ACSM5: variants seen among roughly 807,000 people sequenced by gnomAD.
ACSM5 encodes the protein acyl-CoA synthetase medium chain family member 5.
A neutral mutation model predicts 71.6 loss-of-function variants in ACSM5; 56 were observed. That is an observed-to-expected ratio of 0.78 (90% CI 0.63 to 0.98). The LOEUF is 0.98. Among genes scored for constraint, ACSM5 ranks in the 50% least tolerant of loss-of-function variants. The pLI is 0.00. For missense variants in ACSM5, 723 were observed against 726.0 expected (o/e 1.00, Z 0.05); for synonymous variants, 285 against 281.5 (o/e 1.01, Z -0.12).
chr16:20,411,350 C>G, intron 1 of ACSM5, 120 bp from the exon 2 acceptor site: 1 of 767,446 alleles, frequency 1.3e-6, no homozygotes, highest in Non-Finnish European at 2.1e-6. Context: ...AGAGTTTATT[C>G]TACAAGTCAG....
At chr16:20,427,556 A>G (rs1021452522) in intron 6 of ACSM5, among the ~76,000 whole-genome samples, 1 of 152,254 alleles carries the variant, frequency 6.6e-6, no homozygotes, top group Admixed American at 6.5e-5. Flanking sequence ...TCACCTTGGC[A>G]GTATGCCATT....
chr16:20,439,668 C>G lies in ACSM5; in HGVS notation c.1537-132C>G, dbSNP rs980883553. On this transcript the variant is annotated intron_variant, in intron 12 of 13. Coordinates refer to ENST00000331849, the MANE Select transcript of ACSM5 (RefSeq NM_017888.3). ...AAATTGATGTTGTTTGTGTCATTGG[C>G]TGTGCCCAAAAAAAACTAGTAGAAC... 3.3e-5 allele frequency: 37 copies of G among 1,114,574 alleles called. No individual in the cohort carries two copies. The African/African-American group carries it at 5.4e-4, about 16-fold the overall frequency. 69.0% of individuals were successfully genotyped at this position (1,114,574 alleles called of 1,614,324 possible).
At chr16:20,415,527 A>G (rs113945925) in intron 2 of ACSM5, among the ~76,000 whole-genome samples, 6,735 of 152,298 alleles carry the variant, frequency 0.044, 156 homozygotes, top group South Asian at 0.059. Context: ...CAGCAGAAAT[A>G]CTGCCATCTT....
rs112760108 is a variant in ACSM5, at chr16:20,419,352, T to C, written c.540T>C (p.Ser180=). 0.039 allele frequency: 62,493 copies of C among 1,613,730 alleles called. 1,442 individuals carry two copies. The highest frequency in any genetic ancestry group is 0.071 in the South Asian group (6,471 of 91,054). ...TAGCTCCAAGGGTGGATGCCATCAG[T>C]GCCGAATGCCCCTCCCTCCAGACCA... is the stretch of plus-strand genomic sequence containing the variant. ...DSLAPRVDAI[S]AECPSLQTKL... The change falls in exon 4 of 14, where the codon AGT becomes AGC. Residue 180 remains serine, a synonymous_variant. Coordinates refer to ENST00000331849, the MANE Select transcript of ACSM5 (RefSeq NM_017888.3).
rs563999386 is a variant in ACSM5 at position 20,435,998 on chromosome 16, T to C, written c.1309-1054T>C. Among the ~76,000 whole-genome samples the C allele has an allele frequency of 3.4e-4, 50 of 145,362 alleles. No homozygotes were observed. In the South Asian group the frequency reaches 4.6e-3, roughly 13 times the overall value. ...TCCTTTTTTCTTTCTTTCTTTTCTT[T>C]CTCTTTCTTTCTTTTTTCTTCATTC... On this transcript the variant is annotated intron_variant, in intron 10 of 13. Coordinates refer to ENST00000331849, the MANE Select transcript of ACSM5 (RefSeq NM_017888.3).
At chr16:20,428,526 A>ACCAACCC (rs918341163) in intron 7 of ACSM5, among the ~76,000 whole-genome samples, 1 of 152,192 alleles carries the variant, frequency 6.6e-6, no homozygotes, top group Non-Finnish European at 1.5e-5. Flanking sequence ...TTCAGTATCC[A>ACCAACCC]CCAACCCTGA....
At chr16:20,417,436 G>A (rs1325079413) in intron 2 of ACSM5, among the ~76,000 whole-genome samples, 2 of 152,164 alleles carry the variant, frequency 1.3e-5, no homozygotes, top group African/African-American at 4.8e-5. Flanking sequence ...TGTACAAAGT[G>A]AAAGAAACCA....
At chr16:20,422,144 C>A (rs1308421427) in intron 5 of ACSM5, among the ~76,000 whole-genome samples, 1 of 151,486 alleles carries the variant, frequency 6.6e-6, no homozygotes, top group Non-Finnish European at 1.5e-5. Flanking sequence ...CAGAGTTTTG[C>A]TCTTTTGCCC....
At chr16:20,438,229 C>A (rs1462819549) in intron 12 of ACSM5, among the ~76,000 whole-genome samples, 2 of 151,994 alleles carry the variant, frequency 1.3e-5, no homozygotes, top group Non-Finnish European at 2.9e-5. Flanking sequence ...CCAACATAAT[C>A]CTAAAGCACA....
intron 3 of ACSM5, among the ~76,000 whole-genome samples, 174 bp downstream of exon 3, chr16:20,418,443 T>G (rs184783867): frequency 8.9e-4 from 135 of 152,264 alleles, no homozygotes; most frequent in African/African-American, 3.2e-3. Flanking sequence ...CAGACAATGA[T>G]GTAATTGATA....
chr16:20,430,003 A>C (rs890092219), intron 8 of ACSM5, among the ~76,000 whole-genome samples: 66 of 152,294 alleles, frequency 4.3e-4, no homozygotes, highest in African/African-American at 1.5e-3. Flanking sequence ...TGAGGATGCA[A>C]AGACATACAG....
chr16:20,426,233 C>A (rs893382568), intron 6 of ACSM5, among the ~76,000 whole-genome samples: 4 of 152,208 alleles, frequency 2.6e-5, no homozygotes, highest in Non-Finnish European at 4.4e-5. Flanking sequence ...CCATGTAGTG[C>A]TTGATCAGCC....
At position 20,427,781 on chromosome 16, in the gene ACSM5, T is replaced by G; in HGVS notation, c.922-7T>G. Reference sequence around the variant, plus strand: ...AAGGACATCTTTCACCCTTTGTTTTTGTTTAGACTCTCTCCAAATTCCCGA... The same window carrying G: ...AAGGACATCTTTCACCCTTTGTTTTGGTTTAGACTCTCTCCAAATTCCCGA... On this transcript the variant is annotated splice_region_variant and splice_polypyrimidine_tract_variant and intron_variant, in intron 6 of 13. Transcript: ENST00000331849. 3.1e-6 allele frequency: 5 copies of G among 1,606,892 alleles called. No homozygotes were observed. The highest frequency in any genetic ancestry group is 3.4e-6 in the Non-Finnish European group (4 of 1,173,422).
Position 20,413,148 on chromosome 16 carries a change from T to C in ACSM5, c.204+1460T>C, listed in dbSNP as rs1375486355. Among the ~76,000 whole-genome samples, 3 of 152,202 alleles carry C rather than the reference T, an allele frequency of 2.0e-5. 1 individual carries two copies. The East Asian group carries it at 5.8e-4, about 29-fold the overall frequency. On this transcript the variant is annotated intron_variant, in intron 2 of 13. Coordinates refer to ENST00000331849, the MANE Select transcript of ACSM5 (RefSeq NM_017888.3). ...TAAGACATGAAGCCAGGATGCTCCATTCCTGATGGCCTGCAAAAATCTAAG... is the reference window on the plus strand; with the variant it reads ...TAAGACATGAAGCCAGGATGCTCCACTCCTGATGGCCTGCAAAAATCTAAG...
chr16:20,436,265 C>A (rs1400160006), intron 10 of ACSM5, among the ~76,000 whole-genome samples: 1 of 130,212 alleles, frequency 7.7e-6, no homozygotes, highest in Non-Finnish European at 1.6e-5. Context: ...CCCCTCCCGT[C>A]CCCTCCCCTC....
intron 10 of ACSM5, among the ~76,000 whole-genome samples, chr16:20,436,108 CTTTT>C (rs1232841386): frequency 1.6e-5 from 2 of 125,546 alleles, no homozygotes; most frequent in South Asian, 2.6e-4. Flanking sequence ...TTCTTTCTTT[CTTTT>C]TCTCTTTCTT....
At position 20,441,089 on chromosome 16, in the gene ACSM5, G is replaced by C. The variant is rs1385990499; in HGVS notation, c.*662G>C. ...TTTGAGAGCAGTTTAGTATGTCTTG[G>C]GAAAAGTGTAAGCTATATTAATTTT... On this transcript the variant is annotated 3_prime_UTR_variant, in exon 14 of 14. Coordinates refer to ENST00000331849, the MANE Select transcript of ACSM5 (RefSeq NM_017888.3). 2 of 152,116 alleles carry C rather than the reference G, an allele frequency of 1.3e-5. No individual in the cohort carries two copies. Among genetic ancestry groups the C allele is most frequent in the Admixed American group, 1.3e-4 (2 of 15,268 alleles). 9.4% of individuals were successfully genotyped at this position (152,116 alleles called of 1,614,324 possible).
intron 1 of ACSM5, among the ~76,000 whole-genome samples, chr16:20,410,188 T>C (rs1200271928): frequency 1.3e-5 from 2 of 152,218 alleles, no homozygotes; most frequent in African/African-American, 4.8e-5. Context: ...GAAGCTGTTA[T>C]GGTTTTTCTT....
In ACSM5 at chr16:20,431,051, C is replaced by T. The variant is rs113178652; in HGVS notation, c.1184C>T (p.Ala395Val). 6.8e-5 allele frequency: 109 copies of T among 1,613,708 alleles called. No individual in the cohort carries two copies. The highest frequency in any genetic ancestry group is 2.7e-4 in the African/African-American group (20 of 74,922). Residue 395 changes from alanine to valine, a missense_variant, in exon 9 of 14, where the codon GCG becomes GTG. Transcript: ENST00000331849. ...ATCAAGTCTGGATCCATGGGGAAGG[C>T]GTCCCCACCCTACGATGTGCAGGTA... Reference protein sequence around the residue: ...MKIKSGSMGKASPPYDVQIVD... With the variant: ...MKIKSGSMGKVSPPYDVQIVD...
Sources: gnomAD v4.1 joint callset for allele counts (sites outside exome capture counted in the v4.1 genomes callset) on GRCh38, gnomAD v4.1.1 for gene constraint, MANE v1.5 for transcripts, NCBI Gene and HGNC (gene_info 2026-07-23, HGNC 2026-07-21) for gene names.